ICAM2: variants seen among roughly 807,000 people sequenced by gnomAD.
The protein encoded by ICAM2 is ICAM-2.
Under a neutral mutation model 19.1 loss-of-function variants are expected in ICAM2, and 14 were observed. That is an observed-to-expected ratio of 0.73 (90% CI 0.48 to 1.15). The LOEUF is 1.15. Among genes scored for constraint, ICAM2 ranks in the 50% most tolerant of loss-of-function variants. The pLI is 0.00. For missense variants in ICAM2, 311 were observed against 355.4 expected, an observed-to-expected ratio of 0.88 and a Z score of 1.00; for synonymous variants, 153 against 152.7, an observed-to-expected ratio of 1.00 and a Z score of -0.01.
At position 64,003,749 on chromosome 17, in the gene ICAM2, C is replaced by T. The variant is rs1429435762; in HGVS notation, c.544G>A (p.Glu182Lys). 6.2e-7 allele frequency: 1 copy of T among 1,614,244 alleles called. No individual in the cohort carries two copies. Among genetic ancestry groups the T allele is most frequent in the South Asian group, 1.1e-5 (1 of 91,090 alleles). Reference protein sequence around the residue: ...TATFNSTADREDGHRNFSCLA... With the variant: ...TATFNSTADRKDGHRNFSCLA... ...CAGGAGAAGTTGCGGTGGCCATCCT[C>T]TCTGTCAGCCGTGCTGTTGAATGTG... is the stretch of plus-strand genomic sequence containing the variant. Residue 182 changes from glutamate (E) to lysine (K), a missense_variant, in exon 4 of 5, where the codon GAG (glutamate) becomes AAG (lysine). Coordinates refer to ENST00000579788, the MANE Select transcript of ICAM2 (RefSeq NM_001099789.2).
intron 1 of ICAM2, among the ~76,000 whole-genome samples, chr17:64,019,246 G>T (rs892159261): frequency 1.1e-4 from 16 of 152,102 alleles, no homozygotes; most frequent in Non-Finnish European, 1.9e-4. Context: ...ATAGCCAGGT[G>T]CAGCAGTTCA....
At chr17:64,003,008 A>ACCCAGACC (rs1555608782) in intron 4 of ICAM2, 83 bp from the exon 5 acceptor site, 6 of 1,348,496 alleles carry the variant, frequency 4.4e-6, no homozygotes, top group Non-Finnish European at 4.1e-6. Flanking sequence ...TCCACCCCCA[A>ACCCAGACC]CCCAGACCCC....
intron 1 of ICAM2, among the ~76,000 whole-genome samples, chr17:64,015,517 A>G (rs1432180577): frequency 6.6e-6 from 1 of 152,170 alleles, no homozygotes. Context: ...AGGTGGGAAG[A>G]TCCCTTAAGC....
Position 64,005,140 on chromosome 17 carries a change from GCT to G in ICAM2, c.293_294del (p.Lys98ThrfsTer35). ...VLQCHFTCSGKQESMNSNVSV... is the reference protein window; with the variant it reads ...VLQCHFTCSGXQESMNSNVSV... ...CTGACGTTGGAATTCATTGACTCCT[GCT>G]TCCCGGAGCAGGTGAAGTGGCATTG... is the stretch of plus-strand genomic sequence containing the variant. On this transcript the variant is annotated frameshift_variant, in exon 3 of 5. Coordinates refer to ENST00000579788, the MANE Select transcript of ICAM2 (RefSeq NM_001099789.2). LOFTEE classifies it high-confidence loss of function. 1 of 1,614,142 alleles carries G rather than the reference GCT, an allele frequency of 6.2e-7. No homozygotes were observed. The highest frequency in any genetic ancestry group is 8.5e-7 in the Non-Finnish European group (1 of 1,180,020).
At position 64,003,864 on chromosome 17, in the gene ICAM2, G is replaced by A. The variant is rs1598015751; in HGVS notation, c.429C>T (p.Asp143=). ...ECRVPTVEPL[D]SLTLFLFRGN... is the part of the protein sequence containing the mutation. ...CACGGAACAGGAAGAGGGTGAGGCTGTCCAGGGGCTCCACGGTGGGCACCC... is the reference window on the plus strand; with the variant it reads ...CACGGAACAGGAAGAGGGTGAGGCTATCCAGGGGCTCCACGGTGGGCACCC... The change falls in exon 4 of 5, where the codon GAC becomes GAT. Residue 143 remains aspartate, a synonymous_variant. Coordinates refer to ENST00000579788, the MANE Select transcript of ICAM2 (RefSeq NM_001099789.2). 1.9e-6 allele frequency: 3 copies of A among 1,614,224 alleles called. No homozygotes were observed. In the African/African-American group the frequency reaches 4.0e-5, roughly 22 times the overall value.
intron 2 of ICAM2, chr17:64,006,145 A>G (rs1027674894): frequency 3.2e-5 from 5 of 155,984 alleles, no homozygotes; most frequent in African/African-American, 4.8e-5. Context: ...TGGAGGCTGC[A>G]GTGAGCTATG....
intron 1 of ICAM2, among the ~76,000 whole-genome samples, chr17:64,019,620 C>T (rs1252623078): frequency 6.6e-6 from 1 of 151,878 alleles, no homozygotes; most frequent in Non-Finnish European, 1.5e-5. Flanking sequence ...TCGAGACTCT[C>T]CTGGCCAACA....
intron 1 of ICAM2, among the ~76,000 whole-genome samples, chr17:64,018,567 G>A (rs1333532452): frequency 6.6e-6 from 1 of 151,918 alleles, no homozygotes; most frequent in Non-Finnish European, 1.5e-5. Flanking sequence ...GCTGATGAGA[G>A]TGTATATTGG....
In ICAM2 at chr17:64,003,067, G is replaced by C. The variant is rs1212601207; in HGVS notation, c.650-142C>G. 3 of 649,486 alleles carry C rather than the reference G, an allele frequency of 4.6e-6. No individual in the cohort carries two copies. The East Asian group carries it at 8.2e-5, about 18-fold the overall frequency. 40.2% of individuals were successfully genotyped at this position (649,486 alleles called of 1,614,324 possible). A position where few individuals can be genotyped will look rare whatever the true frequency, so the allele number is the denominator to read the frequency against. On this transcript the variant is annotated intron_variant, in intron 4 of 4. Coordinates refer to ENST00000579788, the MANE Select transcript of ICAM2 (RefSeq NM_001099789.2). ...ATCCAGCAGTCACCCCAGTTGCAGA[G>C]ATGAGTGGTGAATGGTGTCTGCATT...
intron 2 of ICAM2, among the ~76,000 whole-genome samples, chr17:64,005,778 T>A (rs1472656872): frequency 6.6e-6 from 1 of 151,796 alleles, no homozygotes; most frequent in Non-Finnish European, 1.5e-5. Context: ...TAGCCCTCCC[T>A]CCCTTCCTTT....
rs1311314377 is a variant in ICAM2, at chr17:64,005,116, T to A, written c.319A>T (p.Ser107Cys). Residue 107 changes from serine to cysteine, a missense_variant, in exon 3 of 5, where the codon AGC becomes TGC. Coordinates refer to ENST00000579788, the MANE Select transcript of ICAM2 (RefSeq NM_001099789.2). ...CAGCACAGCCACTCACGGTACACGC[T>A]GACGTTGGAATTCATTGACTCCTGC... ...GKQESMNSNV[S>C]VYQPPRQVIL... is the part of the protein sequence containing the mutation. 1.9e-6 allele frequency: 3 copies of A among 1,614,082 alleles called. No individual in the cohort carries two copies. The highest frequency in any genetic ancestry group is 1.7e-6 in the Non-Finnish European group (2 of 1,179,996).
At chr17:64,004,744 T>G in intron 3 of ICAM2, 1 of 360,042 alleles carries the variant, frequency 2.8e-6, no homozygotes, top group South Asian at 2.8e-5. Flanking sequence ...TCAACCTTCT[T>G]GCCATGAGAT....
intron 4 of ICAM2, 195 bp from the exon 5 acceptor site, chr17:64,003,120 C>T (rs1910917955): frequency 1.7e-6 from 1 of 573,566 alleles, no homozygotes; most frequent in Non-Finnish European, 3.1e-6. Flanking sequence ...AAAAGGTGGC[C>T]CAGGGCTCAG....
Position 64,005,383 on chromosome 17 carries a change from C to A in ICAM2, c.62-10G>T. On this transcript the variant is annotated splice_polypyrimidine_tract_variant and intron_variant, in intron 2 of 4. Coordinates refer to ENST00000579788, the MANE Select transcript of ICAM2 (RefSeq NM_001099789.2). ...ACCTTCTCATCCGATCCTGGAAAAC[C>A]AGAAACACTGGGCAGTCGTGTCATC... is the stretch of plus-strand genomic sequence containing the variant. 1 of 1,610,790 alleles carries A rather than the reference C, an allele frequency of 6.2e-7. No homozygotes were observed. Among genetic ancestry groups the A allele is most frequent in the Non-Finnish European group, 8.5e-7 (1 of 1,177,742 alleles).
chr17:64,005,070 C>A (rs1911110831), intron 3 of ICAM2, 37 bp downstream of exon 3: 1 of 1,612,494 alleles, frequency 6.2e-7, no homozygotes, highest in African/African-American at 1.3e-5. Flanking sequence ...AGCCTCTGTC[C>A]CAGGGGAGAG....
intron 1 of ICAM2, among the ~76,000 whole-genome samples, chr17:64,007,350 C>T (rs560480726): frequency 5.9e-5 from 9 of 152,074 alleles, no homozygotes; most frequent in Admixed American, 2.0e-4. Context: ...GCAACCTCTG[C>T]CTCCCAGATT....
intron 1 of ICAM2, 107 bp from the exon 2 acceptor site, chr17:64,006,842 C>T: frequency 3.0e-6 from 2 of 676,562 alleles, no homozygotes; most frequent in Non-Finnish European, 2.6e-6. Flanking sequence ...CTTTGGGAAG[C>T]CACGTGCACC....
At chr17:64,005,572 C>A (rs1911151954) in intron 2 of ICAM2, among the ~76,000 whole-genome samples, 199 bp from the exon 3 acceptor site, 1 of 152,160 alleles carries the variant, frequency 6.6e-6, no homozygotes, top group Non-Finnish European at 1.5e-5. Context: ...GGCTCCCTGC[C>A]TCTGGCTGTC....
At chr17:64,008,633 G>A (rs773751564) in intron 1 of ICAM2, among the ~76,000 whole-genome samples, 3 of 152,186 alleles carry the variant, frequency 2.0e-5, no homozygotes, top group Non-Finnish European at 4.4e-5. Context: ...CACCATGAAT[G>A]ATAGCCTGCC....
Sources: gnomAD v4.1 joint callset for allele counts (sites outside exome capture counted in the v4.1 genomes callset) on GRCh38, gnomAD v4.1.1 for gene constraint, MANE v1.5 for transcripts, NCBI Gene and HGNC (gene_info 2026-07-23, HGNC 2026-07-21) for gene names.